KIAA0319: variants seen among roughly 807,000 people sequenced by gnomAD.
KIAA0319 encodes the protein KIAA0319, also known as dyslexia-associated protein KIAA0319.
KIAA0319 carries 83 observed loss-of-function variants against 108.4 expected under a neutral mutation model. The observed-to-expected ratio is 0.77, with a 90% CI of 0.64 to 0.92. KIAA0319 has a LOEUF of 0.92. KIAA0319 is among the 40% of genes least tolerant of loss of function. The probability of loss-of-function intolerance (pLI) is 0.00; values close to 1 mark genes in which losing one functional copy is unlikely to be tolerated. For missense variants in KIAA0319, 1,195 were observed against 1,322.4 expected, an observed-to-expected ratio of 0.90 and a Z score of 1.49; for synonymous variants, 484 against 510.4, an observed-to-expected ratio of 0.95 and a Z score of 0.70.
intron 2 of KIAA0319, chr6:24,598,440 G>A (rs1770087039): frequency 3.5e-6 from 2 of 566,372 alleles, no homozygotes; most frequent in Admixed American, 2.0e-5. Context: ...GGATGAATGT[G>A]GACTGCATGT....
At position 24,546,154 on chromosome 6, in the gene KIAA0319, ATACATC is replaced by A. The variant is rs771083176; in HGVS notation, c.*1005_*1010del. ...ATGTATTTTTAAACATATGAAGTGA[ATACATC>A]TATGTCAAGTTATTTTGGAAAGTAC... On this transcript the variant is annotated 3_prime_UTR_variant, in exon 21 of 21. Coordinates refer to ENST00000378214, the MANE Select transcript of KIAA0319 (RefSeq NM_014809.4). The A allele has an allele frequency of 2.6e-5, 4 of 152,224 alleles. No homozygotes were observed. Among genetic ancestry groups the A allele is most frequent in the Non-Finnish European group, 5.9e-5 (4 of 68,050 alleles). 9.4% of individuals were successfully genotyped at this position (152,224 alleles called of 1,614,324 possible). A position where few individuals can be genotyped will look rare whatever the true frequency, so the allele number is the denominator to read the frequency against.
At chr6:24,585,692 C>T (rs929888850) in intron 4 of KIAA0319, among the ~76,000 whole-genome samples, 5 of 152,134 alleles carry the variant, frequency 3.3e-5, no homozygotes, top group African/African-American at 1.2e-4. Context: ...CTCTTATATA[C>T]CTATGACCTG....
At chr6:24,632,498 G>A (rs1208938374) in intron 1 of KIAA0319, among the ~76,000 whole-genome samples, 4 of 152,108 alleles carry the variant, frequency 2.6e-5, no homozygotes, top group South Asian at 2.1e-4. Context: ...ACTTTCTCTC[G>A]CCAAAGCAGT....
intron 3 of KIAA0319, among the ~76,000 whole-genome samples, chr6:24,589,742 A>G (rs1324859763): frequency 2.6e-5 from 4 of 152,244 alleles, no homozygotes; most frequent in Non-Finnish European, 5.9e-5. Context: ...GACTACTACA[A>G]TGGTATTTTG....
chr6:24,612,482 G>T (rs1159760893), intron 1 of KIAA0319, among the ~76,000 whole-genome samples: 1 of 151,988 alleles, frequency 6.6e-6, no homozygotes, highest in Admixed American at 6.6e-5. Context: ...ATGGAAAAAA[G>T]AAAGAAAAAC....
intron 1 of KIAA0319, among the ~76,000 whole-genome samples, chr6:24,615,340 G>A (rs1773010247): frequency 6.6e-6 from 1 of 151,876 alleles, no homozygotes; most frequent in Non-Finnish European, 1.5e-5. Context: ...TAGATATTAA[G>A]TAAAAAATGC....
Position 24,544,484 on chromosome 6 carries a change from A to G in KIAA0319, c.*2681T>C, listed in dbSNP as rs189006203. The G allele has an allele frequency of 6.6e-6, 1 of 152,342 alleles. No homozygotes were observed. The highest frequency in any genetic ancestry group is 2.4e-5 in the African/African-American group (1 of 41,584). 9.4% of individuals were successfully genotyped at this position (152,342 alleles called of 1,614,324 possible). On this transcript the variant is annotated 3_prime_UTR_variant, in exon 21 of 21. Coordinates refer to ENST00000378214, the MANE Select transcript of KIAA0319 (RefSeq NM_014809.4). ...TCCATGATAGCTTTGTCACACAAAAAACAATGGTAGTCACTCTCCTCCCCG... is the reference window on the plus strand; with the variant it reads ...TCCATGATAGCTTTGTCACACAAAAGACAATGGTAGTCACTCTCCTCCCCG...
At chr6:24,567,667 C>T (rs986143327) in intron 13 of KIAA0319, among the ~76,000 whole-genome samples, 1 of 152,152 alleles carries the variant, frequency 6.6e-6, no homozygotes, top group East Asian at 1.9e-4. Flanking sequence ...CAGCACAGTA[C>T]TCCAGTCCGA....
At chr6:24,588,392 T>C (rs1582091914) in intron 4 of KIAA0319, among the ~76,000 whole-genome samples, 1 of 152,180 alleles carries the variant, frequency 6.6e-6, no homozygotes, top group Non-Finnish European at 1.5e-5. Flanking sequence ...GCCAGTCTCC[T>C]CTCCTGGACT....
chr6:24,570,019 T>C lies in KIAA0319; in HGVS notation c.1875A>G (p.Pro625=), dbSNP rs771475139. The C allele has an allele frequency of 4.3e-6, 7 of 1,614,080 alleles. No homozygotes were observed. In the Admixed American group the frequency reaches 1.2e-4, roughly 27 times the overall value. The change falls in exon 12 of 21, where the codon CCA becomes CCG. Residue 625 remains proline (P), a synonymous_variant. Coordinates refer to ENST00000378214, the MANE Select transcript of KIAA0319 (RefSeq NM_014809.4). Reference sequence around the variant, plus strand: ...CTTTATCAGGGCCGGCCACAGCCACTGGAGGTCTATTGTTTTCTGGAATTA... The same window carrying C: ...CTTTATCAGGGCCGGCCACAGCCACCGGAGGTCTATTGTTTTCTGGAATTA... ...VIVQPENNRP[P]VAVAGPDKEL...
chr6:24,640,473 G>C (rs1776774700), intron 1 of KIAA0319, among the ~76,000 whole-genome samples: 1 of 152,138 alleles, frequency 6.6e-6, no homozygotes, highest in African/African-American at 2.4e-5. Context: ...ATGTAGAATA[G>C]GTGTGGGTTA....
rs5874995 is a variant in KIAA0319, at chr6:24,622,319, T to TAAAAA, written c.-105-21116_-105-21112dup. On this transcript the variant is annotated intron_variant, in intron 1 of 20. Transcript: ENST00000378214. ...AAGGACTGCTAGACATTTGAGAAATTAAAAAAAAAAAAAAAAAAGAACATG... is the reference window on the plus strand; with the variant it reads ...AAGGACTGCTAGACATTTGAGAAATTAAAAAAAAAAAAAAAAAAAAAAAGAACATG... Among the ~76,000 whole-genome samples the TAAAAA allele has an allele frequency of 9.6e-5, 11 of 114,590 alleles. No homozygotes were observed. In the East Asian group the frequency reaches 9.8e-4, roughly 10 times the overall value. The allele number at this position is 114,590 out of a possible 152,430, so 75.2% of individuals were successfully genotyped here.
chr6:24,575,962 G>A (rs1266129885), intron 10 of KIAA0319, among the ~76,000 whole-genome samples: 7 of 152,116 alleles, frequency 4.6e-5, no homozygotes, highest in Admixed American at 6.5e-5. Context: ...CCTAAAAAGC[G>A]ACCAGTGGAT....
At chr6:24,570,370 C>T (rs1291825086) in intron 11 of KIAA0319, among the ~76,000 whole-genome samples, 2 of 152,144 alleles carry the variant, frequency 1.3e-5, no homozygotes, top group East Asian at 1.9e-4. Context: ...GGGCGGATCA[C>T]GAGGTCAGGA....
Position 24,588,700 on chromosome 6 carries a change from G to C in KIAA0319, c.887C>G (p.Thr296Ser). 1 of 1,614,020 alleles carries C rather than the reference G, an allele frequency of 6.2e-7. No individual in the cohort carries two copies. Among genetic ancestry groups the C allele is most frequent in the Non-Finnish European group, 8.5e-7 (1 of 1,179,994 alleles). Residue 296 changes from threonine to serine, a missense_variant, in exon 4 of 21, where the codon ACC becomes AGC. Thr to Ser is a moderately conservative substitution (Grantham distance 58). Coordinates refer to ENST00000378214, the MANE Select transcript of KIAA0319 (RefSeq NM_014809.4). Reference sequence around the variant, plus strand: ...GATGCTGTGCTCTGTACTCCCCGGGGTGACTGTGAGCACTGGGCTTTTCTC... The same window carrying C: ...GATGCTGTGCTCTGTACTCCCCGGGCTGACTGTGAGCACTGGGCTTTTCTC... Reference protein sequence around the residue: ...TVEKSPVLTVTPGSTEHSIPT... With the variant: ...TVEKSPVLTVSPGSTEHSIPT...
rs1378286326 is a variant in KIAA0319 at position 24,599,747 on chromosome 6, T to C, written c.55+1302A>G. The C allele has an allele frequency of 5.5e-6, 3 of 544,002 alleles. No individual in the cohort carries two copies. Among genetic ancestry groups the C allele is most frequent in the South Asian group, 3.4e-5 (2 of 58,070 alleles). 33.7% of individuals were successfully genotyped at this position (544,002 alleles called of 1,614,324 possible). A position where few individuals can be genotyped will look rare whatever the true frequency, so the allele number is the denominator to read the frequency against. ...TTGTGAAGAAGATCGAGATTTGTGA[T>C]AGGAAACTGGTGTCTGAGTCCTCTG... On this transcript the variant is annotated intron_variant, in intron 2 of 20. Coordinates refer to ENST00000378214, the MANE Select transcript of KIAA0319 (RefSeq NM_014809.4). This position sits in a 1 kb window ranked among gnomAD's most constrained non-coding sequence, Gnocchi z 4.1.
At chr6:24,574,313 T>C (rs1032974735) in intron 10 of KIAA0319, among the ~76,000 whole-genome samples, 4 of 151,852 alleles carry the variant, frequency 2.6e-5, no homozygotes, top group African/African-American at 7.3e-5. Flanking sequence ...GGTGTGTGCC[T>C]GTGGTCCTAG....
At chr6:24,569,073 G>T in intron 12 of KIAA0319, 144 bp from the exon 13 acceptor site, 1 of 804,206 alleles carries the variant, frequency 1.2e-6, no homozygotes, top group Non-Finnish European at 1.9e-6. Context: ...CCATTCATCT[G>T]TACTCTCTAG....
intron 1 of KIAA0319, among the ~76,000 whole-genome samples, chr6:24,605,273 T>G (rs554312472): frequency 6.6e-6 from 1 of 152,260 alleles, no homozygotes; most frequent in African/African-American, 2.4e-5. Flanking sequence ...CAGGAAAAGA[T>G]GCTGCTGAGT....
Sources: gnomAD v4.1 joint callset for allele counts (sites outside exome capture counted in the v4.1 genomes callset) on GRCh38, gnomAD v4.1.1 for gene constraint, Gnocchi (gnomAD v3.1) non-coding constraint, MANE v1.5 for transcripts, NCBI Gene and HGNC (gene_info 2026-07-23, HGNC 2026-07-21) for gene names.